Variants in NHERF1 observed in about 807,000 individuals in gnomAD.
NHERF1 encodes the protein NHERF family PDZ scaffold protein 1.
the NHERF1 span, chr17:74,768,254 G>T: frequency 6.3e-7 from 1 of 1,589,048 alleles, no homozygotes; most frequent in Non-Finnish European, 8.6e-7. Context: ...AGCCATGCGG[G>T]GGGTGGCAAC....
chr17:74,755,321 G>A, the NHERF1 span, among the ~76,000 whole-genome samples: 2 of 152,188 alleles, frequency 1.3e-5, no homozygotes, highest in Non-Finnish European at 2.9e-5. Context: ...CTCACGTGAT[G>A]TGATAGGTCA....
chr17:74,756,348 G>A, the NHERF1 span, among the ~76,000 whole-genome samples: 36 of 132,452 alleles, frequency 2.7e-4, no homozygotes, highest in East Asian at 6.9e-3. Flanking sequence ...GCGTGATCTC[G>A]GCTCACTGCA....
the NHERF1 span, among the ~76,000 whole-genome samples, chr17:74,753,145 G>C: frequency 6.6e-6 from 1 of 152,208 alleles, no homozygotes; most frequent in Non-Finnish European, 1.5e-5. Flanking sequence ...TGCTGGTTCT[G>C]GGATCCTGGG....
the NHERF1 span, among the ~76,000 whole-genome samples, chr17:74,766,430 T>A: frequency 6.6e-6 from 1 of 152,078 alleles, no homozygotes; most frequent in Non-Finnish European, 1.5e-5. Flanking sequence ...CTCAAACTCC[T>A]AACCTCAAGT....
the NHERF1 span, among the ~76,000 whole-genome samples, chr17:74,763,758 C>T: frequency 2.6e-5 from 4 of 152,260 alleles, no homozygotes; most frequent in South Asian, 4.1e-4. Flanking sequence ...GGCATGAGGT[C>T]GGTGAGAGAG....
the NHERF1 span, among the ~76,000 whole-genome samples, chr17:74,754,520 A>G: frequency 6.7e-6 from 1 of 149,900 alleles, no homozygotes; most frequent in Non-Finnish European, 1.5e-5. Flanking sequence ...GTCCTGCCTC[A>G]GCCTTCCATG....
At chr17:74,756,273 CTTTTTTT>C in the NHERF1 span, among the ~76,000 whole-genome samples, 44 of 72,022 alleles carry the variant, frequency 6.1e-4, 1 homozygote, top group Admixed American at 1.9e-3. Context: ...TTCTTTCTTT[CTTTTTTT>C]TTTTTTTTTT....
the NHERF1 span, among the ~76,000 whole-genome samples, chr17:74,754,605 G>A: frequency 1.3e-5 from 2 of 151,422 alleles, no homozygotes; most frequent in Admixed American, 6.6e-5. Flanking sequence ...GTTTCACCAC[G>A]GTGGCCAGGC....
the NHERF1 span, chr17:74,766,854 T>C: frequency 7.5e-7 from 1 of 1,335,336 alleles, no homozygotes. Context: ...TCTAATAATC[T>C]GCCCAAACCC....
At chr17:74,762,071 C>T in the NHERF1 span, 67,546 of 1,613,986 alleles carry the variant, frequency 0.042, 2,542 homozygotes, top group Admixed American at 0.18. The surrounding 1 kb of genome is among the most constrained non-coding windows in gnomAD (Gnocchi z 4.2). Context: ...ATGGCTTCAA[C>T]CTGCACAGCG....
At chr17:74,765,548 G>A in the NHERF1 span, among the ~76,000 whole-genome samples, 1 of 146,766 alleles carries the variant, frequency 6.8e-6, no homozygotes, top group Non-Finnish European at 1.5e-5. Flanking sequence ...GTGAGCCACC[G>A]CGCCTGGCCT....
chr17:74,765,834 G>A, the NHERF1 span, among the ~76,000 whole-genome samples: 5 of 152,234 alleles, frequency 3.3e-5, no homozygotes, highest in Non-Finnish European at 7.4e-5. Flanking sequence ...TCCCAGTCAT[G>A]AGCCACCGAG....
the NHERF1 span, among the ~76,000 whole-genome samples, chr17:74,765,184 C>T: frequency 3.3e-5 from 5 of 152,304 alleles, no homozygotes; most frequent in Non-Finnish European, 7.4e-5. Context: ...ACCCAGGACA[C>T]ACCCCTTGAG....
At chr17:74,765,262 T>C in the NHERF1 span, among the ~76,000 whole-genome samples, 1,330 of 152,178 alleles carry the variant, frequency 8.7e-3, 21 homozygotes, top group African/African-American at 0.031. Context: ...TTTTTTCTTT[T>C]TCTTTTTCTT....
the NHERF1 span, among the ~76,000 whole-genome samples, chr17:74,752,745 C>T: frequency 1.3e-5 from 2 of 152,308 alleles, no homozygotes; most frequent in East Asian, 1.9e-4. Flanking sequence ...CTGCCAGCCT[C>T]GGCCTCCGCC....
the NHERF1 span, chr17:74,767,917 C>G: frequency 1.4e-5 from 9 of 653,800 alleles, no homozygotes; most frequent in African/African-American, 7.1e-5. Context: ...TGGTCTGTTC[C>G]CATCCCATCC....
the NHERF1 span, chr17:74,768,280 C>A: frequency 6.8e-7 from 1 of 1,475,902 alleles, no homozygotes; most frequent in Non-Finnish European, 9.5e-7. Context: ...TACAGGAAGC[C>A]GATTCCCAGG....
At chr17:74,763,565 C>G in the NHERF1 span, 1 of 1,548,026 alleles carries the variant, frequency 6.5e-7, no homozygotes, top group Non-Finnish European at 8.8e-7. Context: ...TGGAGCCCCC[C>G]AAGTCAGGGA....
the NHERF1 span, among the ~76,000 whole-genome samples, chr17:74,763,791 G>A: frequency 1.9e-4 from 29 of 152,312 alleles, no homozygotes; most frequent in South Asian, 4.1e-4. Context: ...TCTTATTCCC[G>A]GCCAAAGCTG....
Sources: allele counts gnomAD v4.1 joint callset (sites outside exome capture counted in the v4.1 genomes callset), GRCh38; gene constraint gnomAD v4.1.1; non-coding constraint Gnocchi (gnomAD v3.1); transcripts MANE v1.5; gene names NCBI Gene and HGNC (gene_info 2026-07-23, HGNC 2026-07-21).